The following COL9A3 variants were observed in gnomAD, a reference collection of about 807,000 sequenced individuals.
The protein encoded by COL9A3 is collagen type IX alpha 3 chain.
Under a neutral mutation model 110.2 loss-of-function variants are expected in COL9A3, and 82 were observed. The observed-to-expected ratio is 0.74, with a 90% CI of 0.62 to 0.89. COL9A3 has a LOEUF of 0.89. Among genes scored for constraint, COL9A3 ranks in the 40% least tolerant of loss-of-function variants. The probability of loss-of-function intolerance (pLI) is 0.00; values close to 1 mark genes in which losing one functional copy is unlikely to be tolerated. For synonymous variants in COL9A3, 494 were observed against 403.8 expected (o/e 1.22, Z -2.68); for missense variants, 1,066 against 981.3 (o/e 1.09, Z -1.15).
chr20:62,832,265 G>T, intron 25 of COL9A3, 76 bp downstream of exon 25: 1 of 1,472,456 alleles, frequency 6.8e-7, no homozygotes, highest in African/African-American at 1.4e-5. Flanking sequence ...TCCTGTCCCG[G>T]CTCTGGCCCT....
intron 4 of COL9A3, among the ~76,000 whole-genome samples, chr20:62,819,698 C>T (rs758920108): frequency 2.5e-4 from 38 of 152,338 alleles, no homozygotes; most frequent in Admixed American, 5.9e-4. Context: ...GGCCTGACTA[C>T]AGCAGGTGCC....
rs770560058 is a variant in COL9A3 at position 62,825,839 on chromosome 20, C to G, written c.653C>G (p.Pro218Arg). The G allele has an allele frequency of 6.4e-7, 1 of 1,556,882 alleles. No individual in the cohort carries two copies. The highest frequency in any genetic ancestry group is 1.2e-5 in the South Asian group (1 of 84,508). Residue 218 changes from proline to arginine, a missense_variant, in exon 13 of 32, where the codon CCC becomes CGC. Physicochemically the swap from Pro to Arg is moderately radical, Grantham distance 103. Coordinates refer to ENST00000649368, the MANE Select transcript of COL9A3 (RefSeq NM_001853.4). Reference sequence around the variant, plus strand: ...CAGGGTGACCCTGGCCCCCCTGGGCCCGCCGGCCTCCCGGGCAGCGTGGGG... The same window carrying G: ...CAGGGTGACCCTGGCCCCCCTGGGCGCGCCGGCCTCCCGGGCAGCGTGGGG... ...GEKGDPGPPG[P>R]AGLPGSVGLQ...
chr20:62,821,838 A>G, intron 8 of COL9A3, 28 bp downstream of exon 8: 6 of 1,509,880 alleles, frequency 4.0e-6, no homozygotes, highest in Non-Finnish European at 5.5e-6. Flanking sequence ...AGCCCCTCAG[A>G]GTGTGCTCAC....
At chr20:62,829,362 G>A in intron 19 of COL9A3, 93 bp from the exon 20 acceptor site, 15 of 1,535,556 alleles carry the variant, frequency 9.8e-6, no homozygotes, top group Admixed American at 1.8e-5. Flanking sequence ...CACTCACTCT[G>A]GCCCCTGCAC....
At chr20:62,829,425 C>G (rs772764062) in intron 19 of COL9A3, 30 bp from the exon 20 acceptor site, 1 of 1,612,498 alleles carries the variant, frequency 6.2e-7, no homozygotes, top group Non-Finnish European at 8.5e-7. Context: ...ATGTAACTGG[C>G]AGCCCTGACC....
rs117657687 is a variant in COL9A3, at chr20:62,838,617, A to G, written c.1787-67A>G. The G allele has an allele frequency of 0.052, 71,762 of 1,389,646 alleles. 2,168 individuals are homozygous for G. The highest frequency in any genetic ancestry group is 0.059 in the Non-Finnish European group (58,492 of 999,316). 86.1% of individuals were successfully genotyped at this position (1,389,646 alleles called of 1,614,324 possible). A position where few individuals can be genotyped will look rare whatever the true frequency, so the allele number is the denominator to read the frequency against. ...ACCCTGTTTGTTACAAAGGTTGATCAGACACCGCTGTGGTGTGGCTGCAAC... is the reference window on the plus strand; with the variant it reads ...ACCCTGTTTGTTACAAAGGTTGATCGGACACCGCTGTGGTGTGGCTGCAAC... On this transcript the variant is annotated intron_variant, in intron 30 of 31. Coordinates refer to ENST00000649368, the MANE Select transcript of COL9A3 (RefSeq NM_001853.4).
chr20:62,829,743 C>T, intron 21 of COL9A3, 23 bp from the exon 22 acceptor site: 2 of 1,593,104 alleles, frequency 1.3e-6, no homozygotes, highest in South Asian at 1.1e-5. Flanking sequence ...CCTGCCCTGA[C>T]ACCCTCCTTC....
rs1192317863 is a variant in COL9A3 at position 62,819,218 on chromosome 20, A to G, written c.184-4A>G. On this transcript the variant is annotated splice_region_variant and splice_polypyrimidine_tract_variant and intron_variant, in intron 3 of 31. Transcript: ENST00000649368. ...TCACATCTCTGCCCTTTCCTCCTGCACAGGGACCAAAGGGGGCCCCAGGAA... is the reference window on the plus strand; with the variant it reads ...TCACATCTCTGCCCTTTCCTCCTGCGCAGGGACCAAAGGGGGCCCCAGGAA... The G allele has an allele frequency of 1.2e-6, 2 of 1,612,540 alleles. No individual in the cohort carries two copies. The highest frequency in any genetic ancestry group is 1.7e-6 in the Non-Finnish European group (2 of 1,179,890).
rs374384361 is a variant in COL9A3 at position 62,824,554 on chromosome 20, A to G, written c.576+53A>G. 4.6e-5 allele frequency: 70 copies of G among 1,528,356 alleles called. 1 individual carries two copies. The East Asian group carries it at 1.5e-3, about 33-fold the overall frequency. 94.7% of individuals were successfully genotyped at this position (1,528,356 alleles called of 1,614,324 possible). On this transcript the variant is annotated intron_variant, in intron 11 of 31. Transcript: ENST00000649368. Reference sequence around the variant, plus strand: ...CACCACCCTGTGCTGGGCAGGAGGCAGCTGGGCTCCCATGGGGCTGTGGAG... The same window carrying G: ...CACCACCCTGTGCTGGGCAGGAGGCGGCTGGGCTCCCATGGGGCTGTGGAG...
intron 12 of COL9A3, chr20:62,825,528 G>A: frequency 3.6e-6 from 2 of 550,308 alleles, no homozygotes; most frequent in Non-Finnish European, 3.3e-6. Context: ...GAGACCCCAG[G>A]TGCACATCAG....
intron 30 of COL9A3, 117 bp downstream of exon 30, chr20:62,837,382 TG>T (rs2063645315): frequency 1.8e-6 from 2 of 1,100,612 alleles, no homozygotes; most frequent in South Asian, 2.6e-5. Context: ...CCCTGGAACG[TG>T]GGGGCCTCTC....
intron 16 of COL9A3, 131 bp from the exon 17 acceptor site, chr20:62,827,792 G>C (rs2063565689): frequency 1.1e-6 from 1 of 894,810 alleles, no homozygotes; most frequent in Non-Finnish European, 1.9e-6. Flanking sequence ...CAGGCCCCAG[G>C]GTGGTGGTCG....
At chr20:62,824,357 C>T (rs1005608081) in intron 10 of COL9A3, 88 bp from the exon 11 acceptor site, 5 of 1,411,556 alleles carry the variant, frequency 3.5e-6, no homozygotes, top group Non-Finnish European at 4.9e-6. Context: ...GCAGAGTGGC[C>T]TCCTGGGGTC....
At chr20:62,827,150 T>G (rs1238716424) in intron 15 of COL9A3, 91 bp from the exon 16 acceptor site, 1 of 1,266,718 alleles carries the variant, frequency 7.9e-7, no homozygotes, top group Non-Finnish European at 1.1e-6. Flanking sequence ...TGGAGGGCTG[T>G]CCCCCGCCCG....
At chr20:62,818,595 G>A (rs1991014244) in intron 3 of COL9A3, 42 bp downstream of exon 3, 3 of 1,587,316 alleles carry the variant, frequency 1.9e-6, no homozygotes, top group Non-Finnish European at 2.6e-6. Flanking sequence ...TTCCAGTCTG[G>A]AGAGAAAGGG....
At chr20:62,830,455 C>T (rs2063586625) in intron 23 of COL9A3, 42 bp downstream of exon 23, 6 of 1,582,308 alleles carry the variant, frequency 3.8e-6, no homozygotes, top group Non-Finnish European at 5.2e-6. Context: ...GGGGGCGGCA[C>T]ACCCAGACGG....
intron 23 of COL9A3, 33 bp from the exon 24 acceptor site, chr20:62,830,484 T>TG: frequency 2.5e-6 from 4 of 1,601,994 alleles, no homozygotes; most frequent in Non-Finnish European, 3.4e-6. Context: ...CGACAGGGTA[T>TG]GGGCACTGAC....
Position 62,829,590 on chromosome 20 carries a change from GGTGTAGGCAGGCACTCACAGCTCTCCTTC to G in COL9A3, c.1054-37_1054-9del. On this transcript the variant is annotated splice_polypyrimidine_tract_variant and intron_variant, in intron 20 of 31. Transcript: ENST00000649368. ...GGGCCAGCGACCTGGCCCCAGTGCA[GGTGTAGGCAGGCACTCACAGCTCTCCTTC>G]CTCTACAGGGCAGAGCTGGGGAGCT... 1 of 1,610,500 alleles carries G rather than the reference GGTGTAGGCAGGCACTCACAGCTCTCCTTC, an allele frequency of 6.2e-7. No individual in the cohort carries two copies. The highest frequency in any genetic ancestry group is 2.2e-5 in the East Asian group (1 of 44,820).
chr20:62,821,171 C>T lies in COL9A3; in HGVS notation c.310-10C>T. On this transcript the variant is annotated splice_polypyrimidine_tract_variant and intron_variant, in intron 5 of 31. Coordinates refer to ENST00000649368, the MANE Select transcript of COL9A3 (RefSeq NM_001853.4). ...CCAGCCCAACCTAGACGCCTGCTTTCCTCCCACAGGGAAGTCTGGGACCCC... is the reference window on the plus strand; with the variant it reads ...CCAGCCCAACCTAGACGCCTGCTTTTCTCCCACAGGGAAGTCTGGGACCCC... The T allele has an allele frequency of 2.5e-6, 4 of 1,612,922 alleles. No homozygotes were observed. Among genetic ancestry groups the T allele is most frequent in the Non-Finnish European group, 3.4e-6 (4 of 1,179,700 alleles).
Sources: gnomAD v4.1 joint callset for allele counts (sites outside exome capture counted in the v4.1 genomes callset) on GRCh38, gnomAD v4.1.1 for gene constraint, MANE v1.5 for transcripts, NCBI Gene and HGNC (gene_info 2026-07-23, HGNC 2026-07-21) for gene names.